PCDHA5: variants seen among roughly 807,000 people sequenced by gnomAD.
The protein encoded by PCDHA5 is protocadherin alpha 5.
A neutral mutation model predicts 61.6 loss-of-function variants in PCDHA5; 43 were observed. That is an observed-to-expected ratio of 0.70 (90% confidence interval 0.55 to 0.90). The LOEUF is 0.90. PCDHA5 is among the 40% of genes least tolerant of loss of function. The pLI is 0.00. For missense variants in PCDHA5, 1,298 were observed against 1,222.7 expected (o/e 1.06, Z -0.92); for synonymous variants, 627 against 543.9 (o/e 1.15, Z -2.13).
intron 1 of PCDHA5, chr5:140,869,509 A>C (rs199564677): frequency 6.2e-7 from 1 of 1,614,206 alleles, no homozygotes; most frequent in Non-Finnish European, 8.5e-7. Flanking sequence ...GTTCTCGCTC[A>C]GAGAACAAAA....
chr5:140,986,777 G>A (rs1203790689), intron 3 of PCDHA5, among the ~76,000 whole-genome samples: 5 of 152,234 alleles, frequency 3.3e-5, no homozygotes, highest in Admixed American at 6.5e-5. Flanking sequence ...ATTAGGTAGC[G>A]GAAGCCACTA....
At chr5:140,954,692 C>T (rs1428031536) in intron 1 of PCDHA5, among the ~76,000 whole-genome samples, 10 of 151,966 alleles carry the variant, frequency 6.6e-5, no homozygotes, top group African/African-American at 2.4e-4. Flanking sequence ...GATGGATAGA[C>T]TACAAAATTT....
intron 1 of PCDHA5, chr5:140,848,428 C>G: frequency 6.9e-7 from 1 of 1,450,064 alleles, no homozygotes; most frequent in Middle Eastern, 1.8e-4. Flanking sequence ...ATGGGACTGA[C>G]GAAATCAGAT....
At chr5:140,871,596 C>G in intron 1 of PCDHA5, 2 of 1,453,962 alleles carry the variant, frequency 1.4e-6, no homozygotes, top group South Asian at 2.9e-5. Flanking sequence ...TATGAATAAC[C>G]AGTGTTTTGA....
rs2150159455 is a variant in PCDHA5 at position 140,828,832 on chromosome 5, C to T, written c.2352+4705C>T. 5 of 1,614,118 alleles carry T rather than the reference C, an allele frequency of 3.1e-6. No individual in the cohort carries two copies. The African/African-American group carries it at 5.3e-5, about 17-fold the overall frequency. ...CTCCCACTTTCGAACAGTCTGAATACGAAGTAAGAATATTCGAAAATGCAG... is the reference window on the plus strand; with the variant it reads ...CTCCCACTTTCGAACAGTCTGAATATGAAGTAAGAATATTCGAAAATGCAG... On this transcript the variant is annotated intron_variant, in intron 1 of 3. Transcript: ENST00000529859.
rs1767768835 is a variant in PCDHA5 at position 140,823,565 on chromosome 5, A to AC, written c.1793dup (p.Asp599Ter). On this transcript the variant is annotated frameshift_variant, in exon 1 of 4. Transcript: ENST00000529859. LOFTEE classifies it high-confidence loss of function. ...GTGGTGGCGAAGGTGCGCGCAGTGG[A>AC]CCCTGATTCGGGCTACAACGCTTGG... is the stretch of plus-strand genomic sequence containing the variant. 1 of 1,613,806 alleles carries AC rather than the reference A, an allele frequency of 6.2e-7. No individual in the cohort carries two copies. The highest frequency in any genetic ancestry group is 8.5e-7 in the Non-Finnish European group (1 of 1,179,878).
rs79247475 is a variant in PCDHA5 at position 140,982,540 on chromosome 5, C to G, written c.2477C>G (p.Pro826Arg). The G allele has an allele frequency of 4.3e-3, 6,927 of 1,614,122 alleles. 34 individuals are homozygous for G. The highest frequency in any genetic ancestry group is 5.0e-3 in the South Asian group (455 of 91,080). Residue 826 changes from proline to arginine, a missense_variant, in exon 3 of 4, where the codon CCA becomes CGA. Physicochemically the swap from Pro to Arg is moderately radical, Grantham distance 103. Transcript: ENST00000529859. ...AGPGGPDQQW[P>R]TVSSATPEPE... ...CCAGGAGGGCCTGATCAGCAGTGGC[C>G]AACAGTATCCAGTGCAACACCAGGT...
rs201231291 is a variant in PCDHA5, at chr5:140,849,957, G to A, written c.2352+25830G>A. On this transcript the variant is annotated intron_variant, in intron 1 of 3. Transcript: ENST00000529859. ...GCGGGACGCTGACGCGCAGGAGAAC[G>A]CCCTGGTGTCCTACTCGCTGGTGGA... The A allele has an allele frequency of 3.1e-6, 5 of 1,597,800 alleles. 1 individual carries two copies. The highest frequency in any genetic ancestry group is 3.4e-6 in the Non-Finnish European group (4 of 1,167,908).
intron 1 of PCDHA5, chr5:140,968,130 T>C: frequency 6.2e-7 from 1 of 1,614,114 alleles, no homozygotes; most frequent in Non-Finnish European, 8.5e-7. Flanking sequence ...CTGCGTACAC[T>C]GAAGGTTGAG....
intron 1 of PCDHA5, among the ~76,000 whole-genome samples, chr5:140,933,534 ATAATGT>A (rs1401849089): frequency 6.6e-6 from 1 of 152,102 alleles, no homozygotes; most frequent in Non-Finnish European, 1.5e-5. Context: ...TAAACTCAAA[ATAATGT>A]TAATATAAAA....
At chr5:140,948,563 AT>A (rs1400147953) in intron 1 of PCDHA5, among the ~76,000 whole-genome samples, 1 of 151,546 alleles carries the variant, frequency 6.6e-6, no homozygotes, top group East Asian at 1.9e-4. Context: ...GTTAAGTTGT[AT>A]TTTTTAAAGG....
intron 3 of PCDHA5, among the ~76,000 whole-genome samples, chr5:140,998,253 T>C (rs1245576621): frequency 6.6e-6 from 1 of 152,232 alleles, no homozygotes; most frequent in Non-Finnish European, 1.5e-5. Context: ...CTCATTTTAC[T>C]GCTAAGAAAA....
intron 3 of PCDHA5, among the ~76,000 whole-genome samples, chr5:141,005,470 G>T (rs1563690887): frequency 6.6e-6 from 1 of 151,956 alleles, no homozygotes; most frequent in African/African-American, 2.4e-5. Flanking sequence ...TTGGGAGGCC[G>T]AGACGGGCGG....
chr5:140,897,677 G>T (rs1390475923), intron 1 of PCDHA5, among the ~76,000 whole-genome samples: 1 of 152,168 alleles, frequency 6.6e-6, no homozygotes, highest in African/African-American at 2.4e-5. Flanking sequence ...ATAGCAGCAT[G>T]ATTTATAGTC....
chr5:140,956,433 C>T (rs1260145380), intron 1 of PCDHA5, among the ~76,000 whole-genome samples: 6 of 152,098 alleles, frequency 3.9e-5, no homozygotes, highest in African/African-American at 1.4e-4. Context: ...TTTAGTTCTG[C>T]TTATGTGATG....
chr5:140,907,235 T>C, intron 1 of PCDHA5, among the ~76,000 whole-genome samples: 1 of 152,234 alleles, frequency 6.6e-6, no homozygotes, highest in East Asian at 1.9e-4. Context: ...TGTCACCTAG[T>C]TGACATTGTA....
chr5:140,863,163 G>A (rs1554157882), intron 1 of PCDHA5: 4 of 658,702 alleles, frequency 6.1e-6, no homozygotes, highest in Non-Finnish European at 1.1e-5. Flanking sequence ...ACTGCGAGCT[G>A]GCGCTGACTG....
At chr5:140,841,992 G>T (rs782125762) in intron 1 of PCDHA5, 1 of 1,613,646 alleles carries the variant, frequency 6.2e-7, no homozygotes, top group African/African-American at 1.3e-5. Context: ...GAGCTCACAG[G>T]CACTGTTCAG....
intron 1 of PCDHA5, chr5:140,968,830 C>G: frequency 6.2e-7 from 1 of 1,614,198 alleles, no homozygotes; most frequent in Non-Finnish European, 8.5e-7. Context: ...CCAAAATCCT[C>G]CCTGACACTC....
Sources: gnomAD v4.1 joint callset for allele counts (sites outside exome capture counted in the v4.1 genomes callset) on GRCh38, gnomAD v4.1.1 for gene constraint, MANE v1.5 for transcripts, NCBI Gene and HGNC (gene_info 2026-07-23, HGNC 2026-07-21) for gene names.